HECW1: variants seen among roughly 807,000 people sequenced by gnomAD.
HECW1 encodes HECT, C2 and WW domain containing E3 ubiquitin protein ligase 1.
A neutral mutation model predicts 182.3 loss-of-function variants in HECW1; 61 were observed. The ratio of observed to expected loss-of-function variants is 0.33; its 90% confidence interval spans 0.27 to 0.41. HECW1 has a LOEUF of 0.41. HECW1 is among the 10% of genes least tolerant of loss of function. The pLI is 1.00. For synonymous variants in HECW1, 859 were observed against 832.6 expected (o/e 1.03, Z -0.55); for missense variants, 1,739 against 2,108.9 (o/e 0.82, Z 3.44).
chr7:43,476,272 A>T (rs545370832), intron 16 of HECW1, among the ~76,000 whole-genome samples: 16 of 152,344 alleles, frequency 1.1e-4, no homozygotes, highest in South Asian at 2.1e-4. Context: ...ATACACTCAG[A>T]AGAGCAACAG....
chr7:43,479,366 A>G (rs1239687332), intron 16 of HECW1, among the ~76,000 whole-genome samples: 1 of 152,122 alleles, frequency 6.6e-6, no homozygotes, highest in Non-Finnish European at 1.5e-5. Context: ...CACTGATCTG[A>G]CAGGAGGTGG....
chr7:43,524,494 AGAGGGGTATCTTT>A (rs1222946637), intron 24 of HECW1, among the ~76,000 whole-genome samples: 2 of 152,260 alleles, frequency 1.3e-5, no homozygotes, highest in Admixed American at 1.3e-4. Context: ...GGATAAGGAA[AGAGGGGTATCTTT>A]GAGATGGGTT....
intron 5 of HECW1, among the ~76,000 whole-genome samples, chr7:43,348,327 G>GTT (rs1451985879): frequency 1.3e-5 from 2 of 152,030 alleles, no homozygotes; most frequent in Non-Finnish European, 2.9e-5. Context: ...GCCTTGAATA[G>GTT]TCTTTTGTAT....
rs534840959 is a variant in HECW1 at position 43,185,160 on chromosome 7, G to T, written c.-31-58715G>T. On this transcript the variant is annotated intron_variant, in intron 2 of 29. Transcript: ENST00000395891. ...CCAAAAGGACAGGGATGGTGGGGGG[G>T]AAGGGGCTGGCTTCCTGATGGCTGA... 3.9e-5 allele frequency among the ~76,000 whole-genome samples: 6 copies of T among 152,216 alleles called. No individual in the cohort carries two copies. In the South Asian group the frequency reaches 1.2e-3, roughly 32 times the overall value.
chr7:43,448,814 C>T (rs113890616), intron 11 of HECW1, among the ~76,000 whole-genome samples: 1,533 of 152,304 alleles, frequency 0.01, 22 homozygotes, highest in African/African-American at 0.034. Context: ...GAATTTAAAA[C>T]GACGTTGCTT....
chr7:43,264,066 C>T (rs1801476083), intron 3 of HECW1, among the ~76,000 whole-genome samples: 1 of 152,096 alleles, frequency 6.6e-6, no homozygotes. Context: ...ATTAATATAT[C>T]CATCCTTACA....
At chr7:43,440,950 C>A (rs1483869009) in intron 9 of HECW1, among the ~76,000 whole-genome samples, 1 of 152,186 alleles carries the variant, frequency 6.6e-6, no homozygotes, top group Admixed American at 6.5e-5. Context: ...CATTAAAACA[C>A]TATCAGCCAG....
chr7:43,323,488 C>A (rs990739737), intron 5 of HECW1, among the ~76,000 whole-genome samples: 1 of 151,710 alleles, frequency 6.6e-6, no homozygotes, highest in African/African-American at 2.4e-5. Context: ...TGGGAGGCTG[C>A]GGTGGAAGCA....
rs567723554 is a variant in HECW1 at position 43,559,270 on chromosome 7, C to G, written c.4710-2545C>G. ...AAAATGCTGGAACCCTAGCTTGACA[C>G]CAATGGCATGGAATTCGACACAACT... is the stretch of plus-strand genomic sequence containing the variant. On this transcript the variant is annotated intron_variant, in intron 29 of 29. Coordinates refer to ENST00000395891, the MANE Select transcript of HECW1 (RefSeq NM_015052.5). Among the ~76,000 whole-genome samples the G allele has an allele frequency of 2.0e-4, 30 of 152,264 alleles. No homozygotes were observed. The South Asian group carries it at 3.5e-3, about 18-fold the overall frequency.
chr7:43,249,687 C>T (rs1046949981), intron 3 of HECW1, among the ~76,000 whole-genome samples: 1 of 152,186 alleles, frequency 6.6e-6, no homozygotes, highest in African/African-American at 2.4e-5. Flanking sequence ...GCGTGTGTAG[C>T]TGACTGTTTT....
chr7:43,466,834 TTTTA>T (rs1230715944), intron 15 of HECW1, among the ~76,000 whole-genome samples: 10 of 152,200 alleles, frequency 6.6e-5, no homozygotes, highest in African/African-American at 2.2e-4. Context: ...ACAAACCTGT[TTTTA>T]TTATTATTAA....
In HECW1 at chr7:43,445,093, GC is replaced by G; in HGVS notation, c.1923del (p.Asn642MetfsTer170). 6.2e-7 allele frequency: 1 copy of G among 1,604,512 alleles called. No homozygotes were observed. Reference sequence around the variant, plus strand: ...CTCCGGGGGCCACTTCCCCAGCCTGGCCAATGGCGCGGCCCAGGATGGCGAC... The same window carrying G: ...CTCCGGGGGCCACTTCCCCAGCCTGGCAATGGCGCGGCCCAGGATGGCGAC... ...GHSGGHFPSLANGAAQDGDTH... is the reference protein window; with the variant it reads ...GHSGGHFPSLXNGAAQDGDTH... On this transcript the variant is annotated frameshift_variant, in exon 11 of 30. Transcript: ENST00000395891. LOFTEE classifies it high-confidence loss of function.
chr7:43,169,702 T>G (rs1214474950), intron 2 of HECW1, among the ~76,000 whole-genome samples: 1 of 149,010 alleles, frequency 6.7e-6, no homozygotes, highest in Non-Finnish European at 1.5e-5. Flanking sequence ...TTTTTTTTTT[T>G]TTTTTTGAGA....
chr7:43,556,824 G>C (rs1428798364), intron 29 of HECW1, among the ~76,000 whole-genome samples: 1 of 152,080 alleles, frequency 6.6e-6, no homozygotes, highest in Non-Finnish European at 1.5e-5. Context: ...TGCTTTGGAA[G>C]CTTTGAAATA....
chr7:43,206,092 T>C (rs1795451118), intron 2 of HECW1, among the ~76,000 whole-genome samples: 1 of 152,216 alleles, frequency 6.6e-6, no homozygotes. Context: ...TACATTGGAC[T>C]AGGGGAGAAA....
At chr7:43,144,753 T>C (rs1226743432) in intron 2 of HECW1, among the ~76,000 whole-genome samples, 2 of 152,192 alleles carry the variant, frequency 1.3e-5, no homozygotes, top group South Asian at 2.1e-4. Context: ...TCTTGTATAT[T>C]TCTTGTTTTA....
At chr7:43,279,537 C>G (rs1803621593) in intron 3 of HECW1, among the ~76,000 whole-genome samples, 1 of 152,068 alleles carries the variant, frequency 6.6e-6, no homozygotes, top group Non-Finnish European at 1.5e-5. Context: ...CCTCACTAGT[C>G]TTCACTTAGT....
chr7:43,534,347 T>C (rs546307373), intron 24 of HECW1, among the ~76,000 whole-genome samples: 15 of 152,170 alleles, frequency 9.9e-5, no homozygotes, highest in Non-Finnish European at 1.9e-4. Flanking sequence ...AATAATCTGT[T>C]GAAAAATACA....
intron 13 of HECW1, among the ~76,000 whole-genome samples, chr7:43,456,703 G>A (rs913319460): frequency 1.4e-4 from 22 of 152,178 alleles, no homozygotes; most frequent in African/African-American, 5.3e-4. Flanking sequence ...CACAAAAATA[G>A]GAGTTTTTAA....
Sources: gnomAD v4.1 joint callset for allele counts (sites outside exome capture counted in the v4.1 genomes callset) on GRCh38, gnomAD v4.1.1 for gene constraint, MANE v1.5 for transcripts, NCBI Gene and HGNC (gene_info 2026-07-23, HGNC 2026-07-21) for gene names.